The following ZNF420 variants were observed in gnomAD, a reference collection of about 807,000 sequenced individuals.
ZNF420 encodes zinc finger protein 420.
Under a neutral mutation model 44.7 loss-of-function variants are expected in ZNF420, and 31 were observed. The ratio of observed to expected loss-of-function variants is 0.69; its 90% CI spans 0.52 to 0.94. The LOEUF (loss-of-function observed/expected upper bound fraction) is 0.94, where lower values mean the gene tolerates loss of function less well. Ranked by LOEUF, ZNF420 falls within the 40% of genes least tolerant of loss-of-function variation. ZNF420 has a pLI of 0.00. For missense variants in ZNF420, 681 were observed against 827.9 expected, an observed-to-expected ratio of 0.82 and a Z score of 2.18; for synonymous variants, 245 against 267.4, an observed-to-expected ratio of 0.92 and a Z score of 0.82.
intron 4 of ZNF420, chr19:37,109,873 A>T (rs1970292108): frequency 6.6e-6 from 1 of 152,170 alleles, no homozygotes; most frequent in Admixed American, 6.5e-5. Flanking sequence ...TGTTTAAAAA[A>T]TTTAAAGTAT....
At chr19:37,017,651 G>C (rs938791233) in intron 1 of ZNF420, among the ~76,000 whole-genome samples, 5 of 152,042 alleles carry the variant, frequency 3.3e-5, no homozygotes, top group Non-Finnish European at 4.4e-5. Context: ...AACAAATTAG[G>C]AATTGAAGGA....
chr19:37,118,683 TAAAG>T (rs1970837571), intron 4 of ZNF420, among the ~76,000 whole-genome samples: 1 of 151,618 alleles, frequency 6.6e-6, no homozygotes, highest in Non-Finnish European at 1.5e-5. Flanking sequence ...GCAAATTGGA[TAAAG>T]AGTCAAGACC....
At chr19:37,078,246 G>C (rs1412001775), upstream of ZNF420, 1 of 152,296 alleles carries the variant, frequency 6.6e-6, no homozygotes, top group South Asian at 2.1e-4. Context: ...CGCTGCAGGC[G>C]GGACAAGCAG....
chr19:37,115,889 G>A (rs1970653829), intron 4 of ZNF420, among the ~76,000 whole-genome samples: 1 of 152,006 alleles, frequency 6.6e-6, no homozygotes, highest in African/African-American at 2.4e-5. Flanking sequence ...TGTGTCCCTG[G>A]GTACTTGAGA....
intron 1 of ZNF420, among the ~76,000 whole-genome samples, chr19:37,063,819 A>G (rs967822990): frequency 3.9e-5 from 6 of 152,166 alleles, no homozygotes; most frequent in Non-Finnish European, 8.8e-5. Flanking sequence ...TGTTATGACC[A>G]TCGATATCAG....
At chr19:37,008,884 A>G (rs1469133723) in intron 1 of ZNF420, among the ~76,000 whole-genome samples, 1 of 152,076 alleles carries the variant, frequency 6.6e-6, no homozygotes, top group African/African-American at 2.4e-5. Flanking sequence ...TCAGGGAGAA[A>G]CTTCAAGGAG....
At chr19:37,073,638 G>A (rs1245030088), upstream of ZNF420, among the ~76,000 whole-genome samples, 3 of 151,922 alleles carry the variant, frequency 2.0e-5, no homozygotes, top group African/African-American at 7.3e-5. Context: ...CTACTTGGGA[G>A]GCTGAGACAG....
intron 1 of ZNF420, among the ~76,000 whole-genome samples, chr19:37,042,365 A>G (rs922125758): frequency 1.3e-5 from 2 of 152,220 alleles, no homozygotes; most frequent in African/African-American, 2.4e-5. Context: ...CCTGAAGGCA[A>G]TTTTTTCATA....
chr19:37,096,959 C>T (rs1292961317), intron 4 of ZNF420, among the ~76,000 whole-genome samples: 5 of 149,428 alleles, frequency 3.3e-5, no homozygotes, highest in South Asian at 2.1e-4. Context: ...AGTGCAGTGG[C>T]GTGATCTCGG....
chr19:37,087,806 C>T (rs1177329068), intron 2 of ZNF420, among the ~76,000 whole-genome samples: 1 of 152,146 alleles, frequency 6.6e-6, no homozygotes, highest in Non-Finnish European at 1.5e-5. Flanking sequence ...CCACCACACC[C>T]GGCTAATTTT....
intron 4 of ZNF420, among the ~76,000 whole-genome samples, chr19:37,124,777 C>T (rs886844001): frequency 9.9e-5 from 15 of 152,120 alleles, no homozygotes; most frequent in South Asian, 4.1e-4. Flanking sequence ...AAGTGATTCT[C>T]CTGCCTCAGC....
chr19:37,016,426 C>T (rs1005837475), intron 1 of ZNF420, among the ~76,000 whole-genome samples: 1 of 152,210 alleles, frequency 6.6e-6, no homozygotes, highest in African/African-American at 2.4e-5. Flanking sequence ...GCTCCTCTGG[C>T]TGGAATCCCT....
chr19:37,101,124 A>T (rs1969753005), intron 4 of ZNF420, among the ~76,000 whole-genome samples: 1 of 149,368 alleles, frequency 6.7e-6, no homozygotes. Context: ...TATTTTGTTC[A>T]TTTGTTGAGC....
chr19:37,109,956 ATTGAG>A (rs1225221062), intron 4 of ZNF420: 1 of 152,100 alleles, frequency 6.6e-6, no homozygotes, highest in Admixed American at 6.5e-5. Context: ...TGTTTAACTA[ATTGAG>A]TTTTGTGTGT....
intron 1 of ZNF420, among the ~76,000 whole-genome samples, chr19:37,032,478 T>A (rs1246511682): frequency 4.2e-5 from 6 of 144,226 alleles, no homozygotes; most frequent in Middle Eastern, 3.8e-3. Context: ...CACTCCAGCC[T>A]GCGCAGCAGA....
At chr19:37,119,579 A>G (rs1188582006) in intron 4 of ZNF420, among the ~76,000 whole-genome samples, 1 of 152,216 alleles carries the variant, frequency 6.6e-6, no homozygotes. Context: ...AGCAAGAGCA[A>G]ACACATTCAA....
chr19:37,032,630 C>A (rs984470662), intron 1 of ZNF420, among the ~76,000 whole-genome samples: 4 of 151,728 alleles, frequency 2.6e-5, no homozygotes, highest in African/African-American at 9.7e-5. Context: ...CAAGGTTAAA[C>A]CCCGTCTCTA....
intron 1 of ZNF420, among the ~76,000 whole-genome samples, chr19:37,045,218 T>G (rs918348411): frequency 6.6e-6 from 1 of 152,190 alleles, no homozygotes; most frequent in Admixed American, 6.5e-5. Context: ...AGTTCCAAAG[T>G]TATATATTTT....
intron 1 of ZNF420, among the ~76,000 whole-genome samples, chr19:37,024,175 A>G (rs1393591337): frequency 1.3e-5 from 2 of 152,124 alleles, no homozygotes; most frequent in East Asian, 1.9e-4. Flanking sequence ...CCGAATGCCC[A>G]TCGGAAAATT....
Sources: gnomAD v4.1 joint callset for allele counts (sites outside exome capture counted in the v4.1 genomes callset) on GRCh38, gnomAD v4.1.1 for gene constraint, MANE v1.5 for transcripts, NCBI Gene and HGNC (gene_info 2026-07-23, HGNC 2026-07-21) for gene names.